COL20A1: variants seen among roughly 807,000 people sequenced by gnomAD.
COL20A1 encodes the protein collagen type XX alpha 1 chain.
In COL20A1, 164 loss-of-function variants were observed where a neutral mutation model predicts 152.9. That is an observed-to-expected ratio of 1.07 (90% CI 0.94 to 1.22). The LOEUF is 1.22. Among genes scored for constraint, COL20A1 ranks in the 50% most tolerant of loss-of-function variants. The probability of loss-of-function intolerance (pLI) is 0.00; values close to 1 mark genes in which losing one functional copy is unlikely to be tolerated. For missense variants in COL20A1, 1,873 were observed against 1,744.8 expected, an observed-to-expected ratio of 1.07 and a Z score of -1.31; for synonymous variants, 864 against 756.0, an observed-to-expected ratio of 1.14 and a Z score of -2.34.
chr20:63,310,979 A>G (rs576907116), intron 11 of COL20A1, among the ~76,000 whole-genome samples: 1 of 152,012 alleles, frequency 6.6e-6, no homozygotes, highest in Admixed American at 6.5e-5. Context: ...TTCATGTTAG[A>G]TCATTTTCAT....
In COL20A1 at chr20:63,295,104, C is replaced by A; in HGVS notation, c.-4C>A. ...GGCCTCTTCCCTGCCACAGCCCGAG[C>A]ACCATGAGCTCCGGAGACCCTGCAC... On this transcript the variant is annotated 5_prime_UTR_variant, in exon 2 of 36. Transcript: ENST00000358894. 1.3e-6 allele frequency: 2 copies of A among 1,548,744 alleles called. No homozygotes were observed. Among genetic ancestry groups the A allele is most frequent in the Non-Finnish European group, 1.7e-6 (2 of 1,145,894 alleles).
chr20:63,325,058 C>T (rs549592272), intron 27 of COL20A1: 2 of 358,816 alleles, frequency 5.6e-6, no homozygotes, highest in African/African-American at 4.3e-5. Flanking sequence ...TTCTCTAGCT[C>T]TGCAGACCCC....
At position 63,326,320 on chromosome 20, in the gene COL20A1, G is replaced by A. The variant is rs572130141; in HGVS notation, c.3456+171G>A. On this transcript the variant is annotated intron_variant, in intron 30 of 35. Transcript: ENST00000358894. Reference sequence around the variant, plus strand: ...TGCAGGGCCCTGTGGGTGGGTGAGCGTCTGCCCAGGAGCACTGCATGCTCC... The same window carrying A: ...TGCAGGGCCCTGTGGGTGGGTGAGCATCTGCCCAGGAGCACTGCATGCTCC... 4.6e-5 allele frequency among the ~76,000 whole-genome samples: 7 copies of A among 152,290 alleles called. No homozygotes were observed. The South Asian group carries it at 1.0e-3, about 23-fold the overall frequency.
chr20:63,328,150 G>T (rs779761713), intron 33 of COL20A1, 23 bp downstream of exon 33: 2 of 1,612,598 alleles, frequency 1.2e-6, no homozygotes, highest in Non-Finnish European at 1.7e-6. Flanking sequence ...TTCAGAGTGA[G>T]TGAGGCCAGC....
chr20:63,296,751 C>G (rs376300935), intron 2 of COL20A1, among the ~76,000 whole-genome samples: 25 of 152,302 alleles, frequency 1.6e-4, no homozygotes, highest in African/African-American at 5.8e-4. Flanking sequence ...TCCTCATCCC[C>G]CACACATTCC....
chr20:63,322,479 C>T (rs1441122735), intron 27 of COL20A1, among the ~76,000 whole-genome samples: 1 of 152,200 alleles, frequency 6.6e-6, no homozygotes, highest in Non-Finnish European at 1.5e-5. Flanking sequence ...CAGGCATGAG[C>T]CAGATGCCTT....
Position 63,305,341 on chromosome 20 carries a change from G to T in COL20A1, c.194-76G>T. The T allele has an allele frequency of 7.9e-7, 1 of 1,258,788 alleles. No homozygotes were observed. Among genetic ancestry groups the T allele is most frequent in the Non-Finnish European group, 1.0e-6 (1 of 968,134 alleles). The allele number at this position is 1,258,788 out of a possible 1,614,324, so 78.0% of individuals were successfully genotyped here. A position where few individuals can be genotyped will look rare whatever the true frequency, so the allele number is the denominator to read the frequency against. On this transcript the variant is annotated intron_variant, in intron 3 of 35. Transcript: ENST00000358894. The surrounding 1 kb of genome is among the most constrained non-coding windows in gnomAD (Gnocchi z 4.9). The stretch of plus-strand genomic sequence containing the variant: ...CTGGGGTGGGGAGGAGGAGCCAAGA[G>T]GGTTTCACTCCCCGCCGTGACAGAT...
Position 63,320,180 on chromosome 20 carries a change from C to G in COL20A1, c.3058C>G (p.Arg1020Gly). ...GAGGCTGGCCAAGGCCAGGGGCCCC[C>G]GGAGCAGTTCGGCCGCGGTGAGTTG... is the stretch of plus-strand genomic sequence containing the variant. ...LGRLAKARGP[R>G]SSSAAFQLQM... is the part of the protein sequence containing the mutation. The change falls in exon 24 of 36, where the codon CGG (arginine) becomes GGG (glycine). Residue 1020 changes from arginine to glycine, a missense_variant. By Grantham distance (125) the Arg-to-Gly change is moderately radical. Coordinates refer to ENST00000358894, the MANE Select transcript of COL20A1 (RefSeq NM_020882.4). The G allele has an allele frequency of 6.4e-7, 1 of 1,568,160 alleles. No individual in the cohort carries two copies. The highest frequency in any genetic ancestry group is 8.6e-7 in the Non-Finnish European group (1 of 1,159,492).
intron 25 of COL20A1, 54 bp from the exon 26 acceptor site, chr20:63,320,959 A>G: frequency 1.5e-6 from 2 of 1,356,878 alleles, no homozygotes; most frequent in South Asian, 1.3e-5. Flanking sequence ...CTCTAGGGTC[A>G]GGCAAGAGCC....
chr20:63,312,572 T>C lies in COL20A1; in HGVS notation c.1933+23T>C, dbSNP rs1037509465. The C allele has an allele frequency of 6.4e-6, 10 of 1,550,798 alleles. No homozygotes were observed. The African/African-American group carries it at 1.2e-4, about 19-fold the overall frequency. On this transcript the variant is annotated intron_variant, in intron 15 of 35. Transcript: ENST00000358894. ...CCAGTGAGTGGGGAGAGGCTGGGGC[T>C]GGGGGTCCAGCAGGGTTTCTGTGTC...
Position 63,311,533 on chromosome 20 carries a change from G to A in COL20A1, c.1533G>A (p.Glu511=). ...CTTCCCCCAAGGGTGAAGAGGAGGA[G>A]CGAGAGGTGAGCTGGGCCGGGGGGT... ...SPASPKGEEE[E]REVQVGRPEV... Residue 511 remains glutamate, a synonymous_variant, in exon 12 of 36, where the codon GAG becomes GAA. Coordinates refer to ENST00000358894, the MANE Select transcript of COL20A1 (RefSeq NM_020882.4). The surrounding 1 kb of genome is among the most constrained non-coding windows in gnomAD (Gnocchi z 4.4). 3.1e-6 allele frequency: 5 copies of A among 1,596,852 alleles called. No homozygotes were observed. Among genetic ancestry groups the A allele is most frequent in the Non-Finnish European group, 4.3e-6 (5 of 1,172,526 alleles).
intron 1 of COL20A1, among the ~76,000 whole-genome samples, chr20:63,293,778 C>T (rs2067745856): frequency 6.6e-6 from 1 of 151,636 alleles, no homozygotes; most frequent in African/African-American, 2.4e-5. Context: ...GGCATGAAAT[C>T]CCTGATTTAA....
In COL20A1 at chr20:63,308,686, G is replaced by A; in HGVS notation, c.920G>A (p.Gly307Asp). Residue 307 changes from glycine to aspartate, a missense_variant, in exon 8 of 36, where the codon GGC becomes GAC. Coordinates refer to ENST00000358894, the MANE Select transcript of COL20A1 (RefSeq NM_020882.4). ...HTAARVLKDL[G>D]VNVFAVGVKN... ...GCTGCCCGTGTCCTCAAGGACCTGGGCGTGAACGTCTTCGCTGTGGGTGAG... is the reference window on the plus strand; with the variant it reads ...GCTGCCCGTGTCCTCAAGGACCTGGACGTGAACGTCTTCGCTGTGGGTGAG... 6.2e-7 allele frequency: 1 copy of A among 1,605,640 alleles called. No individual in the cohort carries two copies. The highest frequency in any genetic ancestry group is 8.5e-7 in the Non-Finnish European group (1 of 1,176,546).
At chr20:63,298,723 G>C (rs941618722) in intron 3 of COL20A1, among the ~76,000 whole-genome samples, 2 of 152,216 alleles carry the variant, frequency 1.3e-5, no homozygotes, top group African/African-American at 4.8e-5. Context: ...TCCAGGAGCA[G>C]GGCCTTGAGG....
chr20:63,327,784 C>T (rs1007324196), intron 31 of COL20A1, 168 bp from the exon 32 acceptor site: 27 of 670,864 alleles, frequency 4.0e-5, no homozygotes, highest in Non-Finnish European at 5.4e-5. Flanking sequence ...CGGGTGCAGG[C>T]GAGGACCACA....
At chr20:63,317,162 T>C (rs1255770069) in intron 21 of COL20A1, among the ~76,000 whole-genome samples, 1 of 152,320 alleles carries the variant, frequency 6.6e-6, no homozygotes, top group East Asian at 1.9e-4. Flanking sequence ...ATAAGCTGCA[T>C]GACAGTTTAA....
intron 27 of COL20A1, among the ~76,000 whole-genome samples, chr20:63,323,235 G>A (rs779459355): frequency 6.6e-6 from 1 of 152,226 alleles, no homozygotes; most frequent in Admixed American, 6.5e-5. Context: ...TTGTGGGCAC[G>A]CTTTTTACTT....
In COL20A1 at chr20:63,311,389, C is replaced by T. The variant is rs778574961; in HGVS notation, c.1394-5C>T. 7 of 1,578,286 alleles carry T rather than the reference C, an allele frequency of 4.4e-6. No individual in the cohort carries two copies. The African/African-American group carries it at 9.4e-5, about 21-fold the overall frequency. ...TTCCTAAAGTGTCCCTGCATGGCCC[C>T]CCAGCACCTCTGCCTCCGCCCCGGG... On this transcript the variant is annotated splice_polypyrimidine_tract_variant and splice_region_variant and intron_variant, in intron 11 of 35. Transcript: ENST00000358894. The surrounding 1 kb of genome is among the most constrained non-coding windows in gnomAD (Gnocchi z 4.4).
In COL20A1 at chr20:63,311,690, GGT is replaced by G; in HGVS notation, c.1607_1608del (p.Val536AlafsTer7). The G allele has an allele frequency of 6.2e-7, 1 of 1,607,134 alleles. No individual in the cohort carries two copies. Among genetic ancestry groups the G allele is most frequent in the Non-Finnish European group, 8.5e-7 (1 of 1,179,076 alleles). On this transcript the variant is annotated frameshift_variant, in exon 13 of 36. Transcript: ENST00000358894. LOFTEE classifies it high-confidence loss of function. This position sits in a 1 kb window ranked among gnomAD's most constrained non-coding sequence, Gnocchi z 4.4. ...LEPGRDYEVSVQSLRGPEGSE... is the reference protein window; with the variant it reads ...LEPGRDYEVSXQSLRGPEGSE... ...AACCTGGCAGGGACTATGAGGTCTCGGTGCAGAGCCTGCGAGGCCCTGAGGGC... is the reference window on the plus strand; with the variant it reads ...AACCTGGCAGGGACTATGAGGTCTCGGCAGAGCCTGCGAGGCCCTGAGGGC...
Sources: gnomAD v4.1 joint callset for allele counts (sites outside exome capture counted in the v4.1 genomes callset) on GRCh38, gnomAD v4.1.1 for gene constraint, Gnocchi (gnomAD v3.1) non-coding constraint, MANE v1.5 for transcripts, NCBI Gene and HGNC (gene_info 2026-07-23, HGNC 2026-07-21) for gene names.